Variants in PAQR5 observed in about 807,000 individuals in gnomAD.
PAQR5 encodes membrane progestin receptor gamma.
A neutral mutation model predicts 34.5 loss-of-function variants in PAQR5; 20 were observed. That is an observed-to-expected ratio of 0.58 (90% CI 0.41 to 0.84). PAQR5 has a LOEUF of 0.84. PAQR5 is among the 40% of genes least tolerant of loss of function. The pLI is 0.00. For missense variants in PAQR5, 378 were observed against 412.7 expected, an observed-to-expected ratio of 0.92 and a Z score of 0.73; for synonymous variants, 131 against 155.6, an observed-to-expected ratio of 0.84 and a Z score of 1.18.
chr15:69,377,670 T>G (rs1316356715), intron 3 of PAQR5, among the ~76,000 whole-genome samples: 1 of 152,194 alleles, frequency 6.6e-6, no homozygotes, highest in Non-Finnish European at 1.5e-5. Context: ...CCTCTCATTT[T>G]ACACAGAGGC....
chr15:69,379,541 A>C (rs2055820750), intron 3 of PAQR5: 1 of 985,350 alleles, frequency 1.0e-6, no homozygotes, highest in Admixed American at 6.1e-5. Flanking sequence ...AAGGCGTCCA[A>C]AAACTGGGCT....
At chr15:69,300,948 C>CTTCTTTCTTTCTTTCTTCCTTTCTTTCT in intron 1 of PAQR5, among the ~76,000 whole-genome samples, 90 of 3,640 alleles carry the variant, frequency 0.025, 15 homozygotes, top group African/African-American at 0.037. Context: ...TCTTTCTTTC[C>CTTCTTTCTTTCTTTCTTCCTTTCTTTCT]TTCTTTCTTT....
Position 69,393,988 on chromosome 15 carries a change from C to T in PAQR5, c.513-3480C>T, listed in dbSNP as rs192957446. Among the ~76,000 whole-genome samples, 222 of 152,278 alleles carry T rather than the reference C, an allele frequency of 1.5e-3. 3 individuals carry two copies. Among genetic ancestry groups the T allele is most frequent in the African/African-American group, 5.2e-3 (215 of 41,552 alleles). On this transcript the variant is annotated intron_variant, in intron 6 of 8. Transcript: ENST00000395407. ...TGGGGGTGGCCGAGGCCCTGGCCTG[C>T]TCATGCCTGCACAGGAAACGGCTGC...
At chr15:69,347,220 A>G (rs2054797595) in intron 2 of PAQR5, among the ~76,000 whole-genome samples, 1 of 152,316 alleles carries the variant, frequency 6.6e-6, no homozygotes, top group East Asian at 1.9e-4. Context: ...TGGCAAGAAA[A>G]CATGACACAA....
intron 1 of PAQR5, among the ~76,000 whole-genome samples, chr15:69,307,887 G>A (rs141294944): frequency 5.4e-4 from 82 of 152,352 alleles, no homozygotes; most frequent in Middle Eastern, 3.4e-3. Context: ...GTTGATGGTG[G>A]TGCAGGCACC....
chr15:69,366,571 C>G (rs2055409112), intron 3 of PAQR5, among the ~76,000 whole-genome samples: 1 of 152,150 alleles, frequency 6.6e-6, no homozygotes, highest in Non-Finnish European at 1.5e-5. Flanking sequence ...AGAATGCCCC[C>G]TGTATTATTC....
intron 1 of PAQR5, among the ~76,000 whole-genome samples, chr15:69,318,704 GATA>G: frequency 6.6e-6 from 1 of 151,896 alleles, no homozygotes; most frequent in South Asian, 2.1e-4. Flanking sequence ...TGAAACCACA[GATA>G]GTACTAAACC....
At chr15:69,374,800 C>G (rs1029078570) in intron 3 of PAQR5, among the ~76,000 whole-genome samples, 1 of 152,190 alleles carries the variant, frequency 6.6e-6, no homozygotes, top group African/African-American at 2.4e-5. Flanking sequence ...TATTCCCTGT[C>G]CTGGCTTTCC....
At chr15:69,386,273 TACATACACACACACCACAC>T (rs2056106888) in intron 5 of PAQR5, among the ~76,000 whole-genome samples, 1 of 149,288 alleles carries the variant, frequency 6.7e-6, no homozygotes, top group South Asian at 2.1e-4. Context: ...ACACACCACA[TACATACACACACACCACAC>T]ACACGCTCAC....
chr15:69,323,293 A>G (rs558386369), intron 1 of PAQR5, among the ~76,000 whole-genome samples: 1 of 152,322 alleles, frequency 6.6e-6, no homozygotes, highest in South Asian at 2.1e-4. Context: ...GGCCTCTGCC[A>G]TGCTCCCAGT....
intron 2 of PAQR5, among the ~76,000 whole-genome samples, chr15:69,352,613 G>C (rs535352274): frequency 1.3e-5 from 2 of 152,322 alleles, no homozygotes; most frequent in East Asian, 3.9e-4. Flanking sequence ...TGATATGCAG[G>C]CTACCTGAAA....
intron 1 of PAQR5, among the ~76,000 whole-genome samples, chr15:69,305,189 TG>T (rs1257349454): frequency 2.0e-5 from 3 of 152,170 alleles, no homozygotes; most frequent in Non-Finnish European, 4.4e-5. Context: ...CAGCAGACAC[TG>T]CACCATCACA....
chr15:69,305,724 G>A (rs2053700490), intron 1 of PAQR5, among the ~76,000 whole-genome samples: 1 of 42 alleles, frequency 0.024, no homozygotes, highest in Admixed American at 0.17. Flanking sequence ...GGGAGAGAGG[G>A]TGGAGTGTGG....
intron 1 of PAQR5, among the ~76,000 whole-genome samples, chr15:69,301,157 C>A (rs1027161475): frequency 1.3e-5 from 2 of 151,452 alleles, no homozygotes; most frequent in East Asian, 3.9e-4. Flanking sequence ...GCGCCTGCCA[C>A]CAAACACAGC....
At chr15:69,313,125 T>C (rs1228083692) in intron 1 of PAQR5, among the ~76,000 whole-genome samples, 2 of 152,178 alleles carry the variant, frequency 1.3e-5, no homozygotes, top group African/African-American at 2.4e-5. Flanking sequence ...ACCTTTGTTG[T>C]ATGTGTTTTA....
chr15:69,346,858 C>T (rs992049154), intron 2 of PAQR5, among the ~76,000 whole-genome samples: 12 of 151,108 alleles, frequency 7.9e-5, no homozygotes, highest in African/African-American at 2.9e-4. Context: ...TCTCTGTCGC[C>T]CAGGCTGGAG....
intron 1 of PAQR5, among the ~76,000 whole-genome samples, chr15:69,324,247 C>T (rs377131843): frequency 3.2e-4 from 49 of 152,222 alleles, no homozygotes; most frequent in East Asian, 1.3e-3. Flanking sequence ...CCATTTGCCA[C>T]GGCTCCAGCC....
chr15:69,300,179 T>A lies in PAQR5; in HGVS notation c.-277+1123T>A, dbSNP rs570831145. The stretch of plus-strand genomic sequence containing the variant: ...CCCTAGGTTCTGCCTGTGAAAGAGG[T>A]TCAGGGGAGAGGGCACCTCCAAGCA... On this transcript the variant is annotated intron_variant, in intron 1 of 8. Transcript: ENST00000395407. Among the ~76,000 whole-genome samples the A allele has an allele frequency of 8.6e-5, 13 of 152,022 alleles. No individual in the cohort carries two copies. The South Asian group carries it at 2.1e-3, about 24-fold the overall frequency.
chr15:69,388,958 T>A (rs117751810), intron 5 of PAQR5, among the ~76,000 whole-genome samples: 1 of 152,208 alleles, frequency 6.6e-6, no homozygotes, highest in African/African-American at 2.4e-5. Context: ...AAAAGGACAG[T>A]GATCTCCCCT....
Sources: gnomAD v4.1 joint callset for allele counts (sites outside exome capture counted in the v4.1 genomes callset) on GRCh38, gnomAD v4.1.1 for gene constraint, MANE v1.5 for transcripts, NCBI Gene and HGNC (gene_info 2026-07-23, HGNC 2026-07-21) for gene names.